The following ARHGEF11 variants were observed in gnomAD, a reference collection of about 807,000 sequenced individuals.
The protein encoded by ARHGEF11 is Rho guanine nucleotide exchange factor 11.
A neutral mutation model predicts 193.7 loss-of-function variants in ARHGEF11; 55 were observed. The ratio of observed to expected loss-of-function variants is 0.28; its 90% CI spans 0.23 to 0.36. The LOEUF is 0.36. ARHGEF11 is among the 10% of genes least tolerant of loss of function. The pLI, the probability that ARHGEF11 is intolerant of heterozygous loss-of-function variation, is 1.00. For missense variants in ARHGEF11, 1,723 were observed against 2,005.6 expected (o/e 0.86, Z 2.69); for synonymous variants, 693 against 768.0 (o/e 0.90, Z 1.62).
At chr1:157,022,822 G>C (rs1670156717) in intron 1 of ARHGEF11, among the ~76,000 whole-genome samples, 1 of 152,168 alleles carries the variant, frequency 6.6e-6, no homozygotes, top group Admixed American at 6.5e-5. Context: ...CAATGGAATG[G>C]AACTGAGAAA....
At chr1:157,025,738 T>C (rs969277894) in intron 1 of ARHGEF11, among the ~76,000 whole-genome samples, 2 of 152,004 alleles carry the variant, frequency 1.3e-5, no homozygotes, top group Non-Finnish European at 2.9e-5. Flanking sequence ...CTAAGTTATA[T>C]CAGAAGGGGG....
At chr1:156,954,022 C>T (rs145090383) in intron 21 of ARHGEF11, among the ~76,000 whole-genome samples, 1 of 152,196 alleles carries the variant, frequency 6.6e-6, no homozygotes, top group African/African-American at 2.4e-5. Context: ...GAGACCCATA[C>T]TTTACATAAA....
In ARHGEF11 at chr1:157,034,696, CAAT is replaced by C. The variant is rs531782769; in HGVS notation, c.32+9600_32+9602del. Among the ~76,000 whole-genome samples the C allele has an allele frequency of 9.1e-4, 139 of 152,276 alleles. 1 individual carries two copies. Among genetic ancestry groups the C allele is most frequent in the Middle Eastern group, 3.4e-3 (1 of 294 alleles). On this transcript the variant is annotated intron_variant, in intron 1 of 40. Transcript: ENST00000368194. The stretch of plus-strand genomic sequence containing the variant: ...CTGGGCCAAAGAAGACAACCCAGAA[CAAT>C]GAGGAGACACTGCTCTTGAACCCTT...
At position 156,986,177 on chromosome 1, in the gene ARHGEF11, G is replaced by A. The variant is rs1354970468; in HGVS notation, c.33-4C>T. 6.2e-7 allele frequency: 1 copy of A among 1,612,328 alleles called. No homozygotes were observed. The highest frequency in any genetic ancestry group is 1.3e-5 in the African/African-American group (1 of 74,902). Reference sequence around the variant, plus strand: ...CAGAGAAGACAGGCTACTTAACCTGGAGAAGGAGTAAGGAAAGCATGTCAA... The same window carrying A: ...CAGAGAAGACAGGCTACTTAACCTGAAGAAGGAGTAAGGAAAGCATGTCAA... On this transcript the variant is annotated splice_polypyrimidine_tract_variant and splice_region_variant and intron_variant, in intron 1 of 40. Coordinates refer to ENST00000368194, the MANE Select transcript of ARHGEF11 (RefSeq NM_198236.3).
intron 1 of ARHGEF11, among the ~76,000 whole-genome samples, chr1:157,005,324 C>A (rs1004181393): frequency 2.0e-5 from 3 of 152,146 alleles, no homozygotes; most frequent in African/African-American, 7.2e-5. Flanking sequence ...TGACCGCCTT[C>A]AGAGGGTCTG....
intron 22 of ARHGEF11, among the ~76,000 whole-genome samples, chr1:156,949,600 C>T (rs1658769275): frequency 6.6e-6 from 1 of 152,052 alleles, no homozygotes; most frequent in South Asian, 2.1e-4. Flanking sequence ...AACATACTGC[C>T]CACTGATCCC....
intron 1 of ARHGEF11, among the ~76,000 whole-genome samples, chr1:157,009,622 T>C (rs1668315400): frequency 6.6e-6 from 1 of 152,224 alleles, no homozygotes; most frequent in Admixed American, 6.5e-5. Flanking sequence ...TGCATACTTA[T>C]CTTTTATTTC....
At chr1:156,998,322 A>G (rs1396981431) in intron 1 of ARHGEF11, among the ~76,000 whole-genome samples, 1 of 152,206 alleles carries the variant, frequency 6.6e-6, no homozygotes, top group Admixed American at 6.5e-5. Context: ...ACAAGCTCAC[A>G]TCGGACTTAT....
At chr1:156,990,567 A>C (rs1037898603) in intron 1 of ARHGEF11, among the ~76,000 whole-genome samples, 2 of 152,188 alleles carry the variant, frequency 1.3e-5, no homozygotes, top group African/African-American at 4.8e-5. Flanking sequence ...TAATTCTATC[A>C]TTCCTTCAAC....
intron 11 of ARHGEF11, among the ~76,000 whole-genome samples, chr1:156,967,578 T>G (rs1428434324): frequency 6.6e-6 from 1 of 152,184 alleles, no homozygotes; most frequent in Admixed American, 6.5e-5. Flanking sequence ...GAGTTTTTTT[T>G]TTTTCTTTTC....
At position 157,045,641 on chromosome 1, in the gene ARHGEF11, G is replaced by T. The variant is rs1056578120; in HGVS notation, c.-1311C>A. Among the ~76,000 whole-genome samples the T allele has an allele frequency of 2.0e-5, 3 of 150,306 alleles. No individual in the cohort carries two copies. In the East Asian group the frequency reaches 5.9e-4, roughly 30 times the overall value. On this transcript the variant is annotated 5_prime_UTR_variant, in exon 1 of 41. Coordinates refer to ENST00000368194, the MANE Select transcript of ARHGEF11 (RefSeq NM_198236.3). ...TCCCGGCGCCGCTCGCCCCGCGCCC[G>T]ACCGCCGTGTTCCGGCCTTCGCGGC... is the stretch of plus-strand genomic sequence containing the variant.
intron 17 of ARHGEF11, 52 bp from the exon 18 acceptor site, chr1:156,957,867 C>CA: frequency 6.2e-7 from 1 of 1,601,070 alleles, no homozygotes. Flanking sequence ...AGAGGCTGGT[C>CA]ACCTGGTTAG....
chr1:157,010,039 A>G (rs1197670433), intron 1 of ARHGEF11, among the ~76,000 whole-genome samples: 1 of 152,174 alleles, frequency 6.6e-6, no homozygotes, highest in African/African-American at 2.4e-5. Flanking sequence ...CAGCAACAAG[A>G]CAAGAATATC....
intron 1 of ARHGEF11, among the ~76,000 whole-genome samples, chr1:157,037,105 G>A (rs973451340): frequency 7.9e-5 from 12 of 152,084 alleles, no homozygotes; most frequent in African/African-American, 2.7e-4. Context: ...TGTAGCCTGC[G>A]TAACAAGAGC....
intron 5 of ARHGEF11, among the ~76,000 whole-genome samples, chr1:156,978,812 A>ATATT (rs1235111108): frequency 6.6e-6 from 1 of 152,228 alleles, no homozygotes; most frequent in Non-Finnish European, 1.5e-5. Context: ...TTCTATTTGA[A>ATATT]TATTTGTGCA....
intron 22 of ARHGEF11, among the ~76,000 whole-genome samples, chr1:156,951,331 A>G (rs1423854402): frequency 1.3e-5 from 2 of 152,144 alleles, no homozygotes; most frequent in Non-Finnish European, 2.9e-5. Context: ...ATAAATCCAA[A>G]GGGAATTTGA....
At position 156,942,026 on chromosome 1, in the gene ARHGEF11, A is replaced by T. The variant is rs781460788; in HGVS notation, c.3327-37T>A. ...CAGGAACAGAGAGGACTGTAGTGAG[A>T]GCAAGATAGCAGCACGCACCACCCC... On this transcript the variant is annotated intron_variant, in intron 33 of 40. Coordinates refer to ENST00000368194, the MANE Select transcript of ARHGEF11 (RefSeq NM_198236.3). The T allele has an allele frequency of 2.5e-6, 4 of 1,613,648 alleles. No individual in the cohort carries two copies. The East Asian group carries it at 8.9e-5, about 36-fold the overall frequency.
intron 1 of ARHGEF11, among the ~76,000 whole-genome samples, chr1:157,004,476 T>C (rs528254126): frequency 1.3e-5 from 2 of 152,222 alleles, no homozygotes; most frequent in East Asian, 3.9e-4. Context: ...ATTAGGCCCA[T>C]ACCATCAGCT....
chr1:156,963,832 A>G, intron 11 of ARHGEF11: 1 of 1,250,310 alleles, frequency 8.0e-7, no homozygotes, highest in Non-Finnish European at 1.0e-6. Context: ...GTCACATGAC[A>G]TATGAAGATG....
Sources: allele counts gnomAD v4.1 joint callset (sites outside exome capture counted in the v4.1 genomes callset), GRCh38; gene constraint gnomAD v4.1.1; transcripts MANE v1.5; gene names NCBI Gene and HGNC (gene_info 2026-07-23, HGNC 2026-07-21).